The following PTPN14 variants were observed in gnomAD, a reference collection of about 807,000 sequenced individuals.
PTPN14 encodes protein tyrosine phosphatase non-receptor type 14, also known as tyrosine-protein phosphatase non-receptor type 14.
Under a neutral mutation model 126.8 loss-of-function variants are expected in PTPN14, and 53 were observed. The ratio of observed to expected loss-of-function variants is 0.42; its 90% CI spans 0.34 to 0.53. The LOEUF (loss-of-function observed/expected upper bound fraction) is 0.53, where lower values mean the gene tolerates loss of function less well. Among genes scored for constraint, PTPN14 ranks in the 20% least tolerant of loss-of-function variants. The pLI is 0.08. For missense variants in PTPN14, 1,257 were observed against 1,552.9 expected, an observed-to-expected ratio of 0.81 and a Z score of 3.20; for synonymous variants, 630 against 599.3, an observed-to-expected ratio of 1.05 and a Z score of -0.75.
At chr1:214,458,592 A>G (rs953447426) in intron 2 of PTPN14, among the ~76,000 whole-genome samples, 1 of 133,424 alleles carries the variant, frequency 7.5e-6, no homozygotes, top group Non-Finnish European at 1.6e-5. Context: ...CATTTTACAG[A>G]TAAGAAAACT....
rs1158472144 is a variant in PTPN14 at position 214,433,951 on chromosome 1, CAAAAAAAAAAAAAAA to C, written c.344+17839_344+17853del. ...ACACACACACACACACACACACACA[CAAAAAAAAAAAAAAA>C]AAAAAACTCAAAAAATTTAGCCAGG... On this transcript the variant is annotated intron_variant, in intron 3 of 18. Coordinates refer to ENST00000366956, the MANE Select transcript of PTPN14 (RefSeq NM_005401.5). Among the ~76,000 whole-genome samples the C allele has an allele frequency of 2.7e-4, 27 of 98,564 alleles. 1 individual carries two copies. Among genetic ancestry groups the C allele is most frequent in the Admixed American group, 1.5e-3 (14 of 9,242 alleles). The allele number at this position is 98,564 out of a possible 152,430, so 64.7% of individuals were successfully genotyped here.
rs1165595746 is a variant in PTPN14 at position 214,402,437 on chromosome 1, C to CAAAAAAAAAAA, written c.581+435_581+445dup. ...CCTGGGTGACAGAGCGAGACTCTGTCAAAAAAAAAAAAAAAAAAAAAAGCC... is the reference window on the plus strand; with the variant it reads ...CCTGGGTGACAGAGCGAGACTCTGTCAAAAAAAAAAAAAAAAAAAAAAAAAAAAAAAAAGCC... On this transcript the variant is annotated intron_variant, in intron 6 of 18. Coordinates refer to ENST00000366956, the MANE Select transcript of PTPN14 (RefSeq NM_005401.5). 7.1e-4 allele frequency among the ~76,000 whole-genome samples: 34 copies of CAAAAAAAAAAA among 48,138 alleles called. 3 individuals carry two copies. Among genetic ancestry groups the CAAAAAAAAAAA allele is most frequent in the African/African-American group, 3.1e-3 (32 of 10,390 alleles). 31.6% of individuals were successfully genotyped at this position (48,138 alleles called of 152,430 possible).
intron 1 of PTPN14, among the ~76,000 whole-genome samples, chr1:214,466,445 T>C (rs1660641084): frequency 1.3e-5 from 2 of 152,236 alleles, no homozygotes; most frequent in South Asian, 4.1e-4. Context: ...ACAGATAATT[T>C]AATTTACTAT....
rs1658041168 is a variant in PTPN14, at chr1:214,364,767, GTGTGT to G, written c.3272-97_3272-93del. Reference sequence around the variant, plus strand: ...GGGAGCGGAAGAGAACTGATGGTGAGTGTGTGTGTGTGTGTGTGTGTGTGTGTGTG... The same window carrying G: ...GGGAGCGGAAGAGAACTGATGGTGAGGTGTGTGTGTGTGTGTGTGTGTGTG... On this transcript the variant is annotated intron_variant, in intron 17 of 18. Coordinates refer to ENST00000366956, the MANE Select transcript of PTPN14 (RefSeq NM_005401.5). This position sits in a 1 kb window ranked among gnomAD's most constrained non-coding sequence, Gnocchi z 4.1. 1 of 233,324 alleles carries G rather than the reference GTGTGT, an allele frequency of 4.3e-6. No homozygotes were observed. Among genetic ancestry groups the G allele is most frequent in the African/African-American group, 1.0e-4 (1 of 9,678 alleles). The allele number at this position is 233,324 out of a possible 1,614,324, so 14.5% of individuals were successfully genotyped here.
Position 214,402,872 on chromosome 1 carries a change from G to A in PTPN14, c.581+11C>T, listed in dbSNP as rs758514991. ...TTGTGCAGGCAGCCCCTTACCCTCT[G>A]CCTGCCTTACCTGTGGGCTTTGTGT... is the stretch of plus-strand genomic sequence containing the variant. On this transcript the variant is annotated intron_variant, in intron 6 of 18. Coordinates refer to ENST00000366956, the MANE Select transcript of PTPN14 (RefSeq NM_005401.5). 6.2e-7 allele frequency: 1 copy of A among 1,613,582 alleles called. No homozygotes were observed. The highest frequency in any genetic ancestry group is 8.5e-7 in the Non-Finnish European group (1 of 1,179,850).
In PTPN14 at chr1:214,406,886, C is replaced by T. The variant is rs188500386; in HGVS notation, c.511-3933G>A. Among the ~76,000 whole-genome samples the T allele has an allele frequency of 3.3e-3, 501 of 152,224 alleles. 3 individuals are homozygous for T. Among genetic ancestry groups the T allele is most frequent in the Non-Finnish European group, 4.6e-3 (312 of 68,008 alleles). On this transcript the variant is annotated intron_variant, in intron 5 of 18. Transcript: ENST00000366956. ...AAACCTGATCTCTTCCTAAAGGCAA[C>T]GTAATAAAGGCCTTTAATGAGAGTA...
intron 1 of PTPN14, among the ~76,000 whole-genome samples, chr1:214,520,708 C>A (rs1214516955): frequency 6.6e-6 from 1 of 152,120 alleles, no homozygotes; most frequent in African/African-American, 2.4e-5. Flanking sequence ...CTGCATGCAC[C>A]ATATACTTTC....
chr1:214,479,631 A>C (rs896621676), intron 1 of PTPN14, among the ~76,000 whole-genome samples: 3 of 151,994 alleles, frequency 2.0e-5, no homozygotes, highest in Non-Finnish European at 2.9e-5. Flanking sequence ...CAGCCACCGT[A>C]CCCGACCCTG....
chr1:214,377,847 T>C, intron 14 of PTPN14, 112 bp downstream of exon 14: 1 of 1,295,834 alleles, frequency 7.7e-7, no homozygotes, highest in South Asian at 1.4e-5. Context: ...AATCTCAGAT[T>C]GAAGAAAGAA....
chr1:214,444,216 A>T (rs895161781), intron 3 of PTPN14, among the ~76,000 whole-genome samples: 1 of 152,250 alleles, frequency 6.6e-6, no homozygotes, highest in African/African-American at 2.4e-5. Flanking sequence ...TTAACCACAC[A>T]GAATGTTTGA....
intron 11 of PTPN14, among the ~76,000 whole-genome samples, chr1:214,388,803 G>A (rs1658684134): frequency 6.6e-6 from 1 of 152,186 alleles, no homozygotes; most frequent in Admixed American, 6.5e-5. Context: ...TCCAGCAGGG[G>A]TCACACTTTC....
intron 17 of PTPN14, among the ~76,000 whole-genome samples, chr1:214,365,123 T>C (rs953818111): frequency 6.6e-6 from 1 of 152,148 alleles, no homozygotes; most frequent in Non-Finnish European, 1.5e-5. Flanking sequence ...AGAGCATCCA[T>C]CTGCCCCTTC....
At position 214,364,508 on chromosome 1, in the gene PTPN14, TCA is replaced by T; in HGVS notation, c.3435+2_3435+3del. The T allele has an allele frequency of 6.2e-7, 1 of 1,613,454 alleles. No individual in the cohort carries two copies. The highest frequency in any genetic ancestry group is 8.5e-7 in the Non-Finnish European group (1 of 1,179,702). ...TATCCGGAGAGAAGCCCAGAATGAC[TCA>T]CTTCGTTATGTTCCAAGCAGTAGAT... is the stretch of plus-strand genomic sequence containing the variant. On this transcript the variant is annotated splice_donor_variant and splice_donor_region_variant and intron_variant, in intron 18 of 18. Coordinates refer to ENST00000366956, the MANE Select transcript of PTPN14 (RefSeq NM_005401.5). LOFTEE classifies it high-confidence loss of function. This position sits in a 1 kb window ranked among gnomAD's most constrained non-coding sequence, Gnocchi z 4.1.
At chr1:214,410,335 G>A (rs370924107) in intron 5 of PTPN14, among the ~76,000 whole-genome samples, 52 of 149,962 alleles carry the variant, frequency 3.5e-4, no homozygotes, top group African/African-American at 1.3e-3. Context: ...TTGCTTTGTG[G>A]CCAGGCTGGA....
intron 1 of PTPN14, among the ~76,000 whole-genome samples, chr1:214,478,417 T>C (rs552957907): frequency 6.6e-6 from 1 of 152,300 alleles, no homozygotes; most frequent in South Asian, 2.1e-4. Flanking sequence ...CTTGTGTATG[T>C]TTAGGTTTAT....
intron 3 of PTPN14, among the ~76,000 whole-genome samples, chr1:214,416,789 A>G (rs1036669993): frequency 1.3e-5 from 2 of 152,334 alleles, no homozygotes; most frequent in African/African-American, 4.8e-5. Flanking sequence ...TGGCTGGTAC[A>G]ATTTTGCACA....
chr1:214,407,631 T>C (rs1457344868), intron 5 of PTPN14, among the ~76,000 whole-genome samples: 1 of 152,210 alleles, frequency 6.6e-6, no homozygotes, highest in Non-Finnish European at 1.5e-5. Flanking sequence ...AATTCCAGAC[T>C]TACCTATCCC....
chr1:214,485,765 G>A (rs1056760697), intron 1 of PTPN14, among the ~76,000 whole-genome samples: 1 of 150,976 alleles, frequency 6.6e-6, no homozygotes, highest in Non-Finnish European at 1.5e-5. Context: ...TCGCTCTGTC[G>A]CCCAGGCCAG....
chr1:214,418,898 G>A (rs1463573882), intron 3 of PTPN14, among the ~76,000 whole-genome samples: 1 of 152,222 alleles, frequency 6.6e-6, no homozygotes, highest in Non-Finnish European at 1.5e-5. Flanking sequence ...GAAGAAGGAT[G>A]GAGGGATAGA....
Sources: allele counts gnomAD v4.1 joint callset (sites outside exome capture counted in the v4.1 genomes callset), GRCh38; gene constraint gnomAD v4.1.1; non-coding constraint Gnocchi (gnomAD v3.1); transcripts MANE v1.5; gene names NCBI Gene and HGNC (gene_info 2026-07-23, HGNC 2026-07-21).